Variants in DTNBP1 observed in about 807,000 individuals in gnomAD.
DTNBP1 encodes dystrobrevin binding protein 1, also known as dysbindin.
A neutral mutation model predicts 42.8 loss-of-function variants in DTNBP1; 35 were observed. The ratio of observed to expected loss-of-function variants is 0.82; its 90% CI spans 0.63 to 1.09. DTNBP1 has a LOEUF of 1.09. DTNBP1 is among the 50% of genes least tolerant of loss of function. The pLI, the probability that DTNBP1 is intolerant of heterozygous loss-of-function variation, is 0.00. For missense variants in DTNBP1, 457 were observed against 424.2 expected (o/e 1.08, Z -0.68); for synonymous variants, 171 against 162.2 (o/e 1.05, Z -0.41).
At chr6:15,530,250 G>C (rs1349591420) in intron 8 of DTNBP1, among the ~76,000 whole-genome samples, 1 of 152,212 alleles carries the variant, frequency 6.6e-6, no homozygotes, top group African/African-American at 2.4e-5. Context: ...ATCAGGCTGG[G>C]AAGTCTGAGC....
intron 6 of DTNBP1, chr6:15,614,993 GCTC>G: frequency 1.9e-6 from 1 of 522,372 alleles, no homozygotes; most frequent in South Asian, 1.7e-5. Context: ...CTAGCTCAGG[GCTC>G]CTATTTTGCT....
intron 8 of DTNBP1, among the ~76,000 whole-genome samples, chr6:15,530,637 C>T (rs559400090): frequency 6.6e-6 from 1 of 152,122 alleles, no homozygotes; most frequent in Non-Finnish European, 1.5e-5. Flanking sequence ...CCTTCCAAGC[C>T]GGCCACGCGT....
chr6:15,593,209 T>G, intron 6 of DTNBP1, 128 bp from the exon 7 acceptor site: 2 of 840,326 alleles, frequency 2.4e-6, no homozygotes, highest in South Asian at 3.5e-5. Flanking sequence ...GATCTTCACA[T>G]ATCAGTTATA....
At chr6:15,640,214 T>C (rs1341838917) in intron 3 of DTNBP1, among the ~76,000 whole-genome samples, 1 of 152,196 alleles carries the variant, frequency 6.6e-6, no homozygotes, top group South Asian at 2.1e-4. Flanking sequence ...AAAAAATTTA[T>C]TGCTATTAGA....
rs574207057 is a variant in DTNBP1, at chr6:15,660,797, C to A, written c.56+2017G>T. Among the ~76,000 whole-genome samples, 53 of 152,256 alleles carry A rather than the reference C, an allele frequency of 3.5e-4. 2 individuals carry two copies. Among genetic ancestry groups the A allele is most frequent in the Middle Eastern group, 3.4e-3 (1 of 294 alleles). ...ACAAAGGTCAGGAGCATGAATGCTT[C>A]TGAGGCAACCATGTGACCTAGAGTT... On this transcript the variant is annotated intron_variant, in intron 1 of 9. Transcript: ENST00000344537.
At chr6:15,524,059 G>A in intron 9 of DTNBP1, 1 of 1,301,880 alleles carries the variant, frequency 7.7e-7, no homozygotes, top group Middle Eastern at 3.2e-4. Flanking sequence ...GAAAGGAACT[G>A]AAGTGCAACT....
At chr6:15,568,555 AT>A (rs1005178041) in intron 7 of DTNBP1, among the ~76,000 whole-genome samples, 8 of 150,344 alleles carry the variant, frequency 5.3e-5, no homozygotes, top group South Asian at 2.1e-4. Flanking sequence ...TTATACACGA[AT>A]TTTTTTTTTC....
chr6:15,606,819 A>C (rs767789853), intron 6 of DTNBP1, among the ~76,000 whole-genome samples: 18 of 152,160 alleles, frequency 1.2e-4, no homozygotes, highest in Non-Finnish European at 1.5e-4. Context: ...GCATCTTGTT[A>C]AAAAGGAAGA....
At chr6:15,595,097 C>T (rs1333817776) in intron 6 of DTNBP1, 4 of 455,986 alleles carry the variant, frequency 8.8e-6, no homozygotes, top group Non-Finnish European at 1.3e-5. Flanking sequence ...TGTCACACAG[C>T]GTCATGACCC....
chr6:15,656,315 G>A (rs1761277631), intron 1 of DTNBP1, among the ~76,000 whole-genome samples: 6 of 152,150 alleles, frequency 3.9e-5, no homozygotes, highest in Admixed American at 3.9e-4. Flanking sequence ...GACTAAGTGA[G>A]CCATCTGACA....
intron 1 of DTNBP1, 63 bp downstream of exon 1, chr6:15,662,750 AG>A: frequency 6.3e-7 from 1 of 1,599,292 alleles, no homozygotes; most frequent in Non-Finnish European, 8.6e-7. Flanking sequence ...GGAGCGAGGC[AG>A]GGGCATCCCA....
chr6:15,614,301 T>C (rs1170699419), intron 6 of DTNBP1, among the ~76,000 whole-genome samples: 1 of 151,772 alleles, frequency 6.6e-6, no homozygotes, highest in East Asian at 1.9e-4. Context: ...CCCACTCCTG[T>C]TATTGTCACA....
At chr6:15,534,547 C>G (rs1773095002) in intron 7 of DTNBP1, among the ~76,000 whole-genome samples, 1 of 151,046 alleles carries the variant, frequency 6.6e-6, no homozygotes, top group South Asian at 2.1e-4. Context: ...GTATTCCCAG[C>G]TACTCAGGAG....
intron 6 of DTNBP1, among the ~76,000 whole-genome samples, chr6:15,599,452 C>G (rs760230004): frequency 1.2e-4 from 18 of 152,142 alleles, no homozygotes; most frequent in Non-Finnish European, 2.1e-4. Flanking sequence ...TCTTCAGCAT[C>G]CAGAATACAG....
intron 7 of DTNBP1, among the ~76,000 whole-genome samples, chr6:15,560,130 C>A (rs545179865): frequency 3.9e-5 from 6 of 152,032 alleles, no homozygotes; most frequent in Non-Finnish European, 8.8e-5. Context: ...ACAGGGGGAA[C>A]CCCATCTCTA....
intron 7 of DTNBP1, among the ~76,000 whole-genome samples, chr6:15,557,235 T>A (rs1774576879): frequency 6.6e-6 from 1 of 150,548 alleles, no homozygotes; most frequent in African/African-American, 2.4e-5. Context: ...TAAGAAGGCA[T>A]GGGGGTGGGA....
intron 7 of DTNBP1, among the ~76,000 whole-genome samples, chr6:15,538,089 T>A (rs998976510): frequency 2.0e-5 from 3 of 152,136 alleles, no homozygotes; most frequent in Non-Finnish European, 4.4e-5. Flanking sequence ...CTGCACTCCC[T>A]AGGCCTGGGG....
chr6:15,540,563 A>G (rs1773497093), intron 7 of DTNBP1, among the ~76,000 whole-genome samples: 1 of 152,208 alleles, frequency 6.6e-6, no homozygotes, highest in Non-Finnish European at 1.5e-5. Flanking sequence ...AGTTTATCTC[A>G]GTTTTTTCTA....
chr6:15,585,725 C>T (rs1445079366), intron 7 of DTNBP1: 43 of 1,535,114 alleles, frequency 2.8e-5, no homozygotes, highest in Non-Finnish European at 3.8e-5. Context: ...CTACAGGGAT[C>T]CCTCTGACTA....
Sources: gnomAD v4.1 joint callset for allele counts (sites outside exome capture counted in the v4.1 genomes callset) on GRCh38, gnomAD v4.1.1 for gene constraint, MANE v1.5 for transcripts, NCBI Gene and HGNC (gene_info 2026-07-23, HGNC 2026-07-21) for gene names.